The following TNN variants were observed in gnomAD, a reference collection of about 807,000 sequenced individuals.
TNN encodes tenascin N, also known as tenascin-N.
Under a neutral mutation model 134.4 loss-of-function variants are expected in TNN, and 122 were observed. The observed-to-expected ratio is 0.91, with a 90% CI of 0.78 to 1.06. TNN has a LOEUF of 1.06. Ranked by LOEUF, TNN falls within the 50% of genes least tolerant of loss-of-function variation. The probability of loss-of-function intolerance (pLI) is 0.00; values close to 1 mark genes in which losing one functional copy is unlikely to be tolerated. For missense variants in TNN, 1,739 were observed against 1,699.4 expected (o/e 1.02, Z -0.41); for synonymous variants, 710 against 670.3 (o/e 1.06, Z -0.91).
At chr1:175,145,787 C>T (rs943573121) in intron 18 of TNN, among the ~76,000 whole-genome samples, 1 of 152,066 alleles carries the variant, frequency 6.6e-6, no homozygotes, top group African/African-American at 2.4e-5. Context: ...CTCAAGCCTC[C>T]TCTGCCCCAG....
At chr1:175,078,413 A>G (rs1376032806) in intron 2 of TNN, among the ~76,000 whole-genome samples, 1 of 152,212 alleles carries the variant, frequency 6.6e-6, no homozygotes, top group Non-Finnish European at 1.5e-5. Flanking sequence ...ATTACAATTT[A>G]ATTTTACAAA....
chr1:175,132,652 TC>T (rs1052389470), intron 15 of TNN, among the ~76,000 whole-genome samples: 5 of 152,224 alleles, frequency 3.3e-5, no homozygotes, highest in African/African-American at 1.2e-4. Flanking sequence ...GCTCTTCTCT[TC>T]CCTTCCATTC....
chr1:175,111,966 A>G (rs1675039377), intron 9 of TNN, among the ~76,000 whole-genome samples: 2 of 152,036 alleles, frequency 1.3e-5, no homozygotes, highest in African/African-American at 4.8e-5. Flanking sequence ...CTCTTTTTCA[A>G]TTTGGATGCT....
chr1:175,135,333 T>C (rs984644292), intron 15 of TNN, among the ~76,000 whole-genome samples: 1 of 152,240 alleles, frequency 6.6e-6, no homozygotes, highest in South Asian at 2.1e-4. Context: ...ACATAGTAGA[T>C]GCTCAGTAAA....
intron 10 of TNN, 139 bp from the exon 11 acceptor site, chr1:175,118,422 C>A: frequency 9.5e-7 from 1 of 1,053,246 alleles, no homozygotes; most frequent in Non-Finnish European, 1.4e-6. Flanking sequence ...GTCCATGAAA[C>A]AGCTAAAAAT....
chr1:175,117,296 G>A (rs752062324), intron 10 of TNN, 91 bp downstream of exon 10: 153 of 1,582,358 alleles, frequency 9.7e-5, no homozygotes, highest in Non-Finnish European at 1.2e-4. Context: ...ATTGGCAGAA[G>A]TCAATGATTA....
intron 18 of TNN, among the ~76,000 whole-genome samples, chr1:175,145,551 T>TAAAAAAAAAA (rs1676042149): frequency 2.6e-4 from 1 of 3,814 alleles, no homozygotes; most frequent in Non-Finnish European, 5.9e-4. Context: ...AGACCCTGTC[T>TAAAAAAAAAA]CAAAAAAAAA....
chr1:175,125,205 G>C (rs1311107704), intron 12 of TNN, among the ~76,000 whole-genome samples: 5 of 152,218 alleles, frequency 3.3e-5, no homozygotes, highest in East Asian at 1.9e-4. Flanking sequence ...AACAACAGCT[G>C]TCTGATTTCT....
In TNN at chr1:175,135,826, T is replaced by C; in HGVS notation, c.3331-19T>C. 6.3e-7 allele frequency: 1 copy of C among 1,595,086 alleles called. No homozygotes were observed. ...GTCTGTTTGGAGGGTCAGAGTGAAGTATTCATCTTCCTTCTCAGGTCTTCC... is the reference window on the plus strand; with the variant it reads ...GTCTGTTTGGAGGGTCAGAGTGAAGCATTCATCTTCCTTCTCAGGTCTTCC... On this transcript the variant is annotated intron_variant, in intron 15 of 18. Coordinates refer to ENST00000239462, the MANE Select transcript of TNN (RefSeq NM_022093.2).
chr1:175,119,638 C>CTT (rs869293406), intron 11 of TNN, among the ~76,000 whole-genome samples: 13 of 131,560 alleles, frequency 9.9e-5, no homozygotes, highest in African/African-American at 2.5e-4. Flanking sequence ...CCTTTTTTTT[C>CTT]TTTTTTTTTT....
intron 11 of TNN, among the ~76,000 whole-genome samples, chr1:175,121,035 G>A (rs758650973): frequency 4.6e-5 from 7 of 152,096 alleles, no homozygotes; most frequent in South Asian, 2.1e-4. Flanking sequence ...CTCCTGCCTC[G>A]GCTTCCCAAA....
chr1:175,127,428 C>T (rs1675559502), intron 13 of TNN, among the ~76,000 whole-genome samples: 2 of 152,112 alleles, frequency 1.3e-5, no homozygotes, highest in African/African-American at 4.8e-5. Flanking sequence ...ATTTTCAAAA[C>T]CTGTCCCAAT....
rs766904314 is a variant in TNN, at chr1:175,128,681, C to T, written c.3265C>T (p.His1089Tyr). ...AASGLYTIYL[H>Y]GDASRPLQVY... ...CAGTGGTCTGTACACCATCTACCTG[C>T]ATGGCGATGCCAGCCGGCCCCTGCA... Residue 1089 changes from histidine (H) to tyrosine (Y), a missense_variant, in exon 15 of 19, where the codon CAT (histidine) becomes TAT (tyrosine). Transcript: ENST00000239462. The T allele has an allele frequency of 6.2e-7, 1 of 1,614,084 alleles. No individual in the cohort carries two copies. The highest frequency in any genetic ancestry group is 8.5e-7 in the Non-Finnish European group (1 of 1,179,990).
intron 12 of TNN, among the ~76,000 whole-genome samples, chr1:175,125,679 CTCCT>C (rs1675492859): frequency 1.3e-5 from 1 of 77,212 alleles, no homozygotes; most frequent in Admixed American, 1.5e-4. Context: ...CCCTCCCTCC[CTCCT>C]TTCTTTCTCT....
intron 9 of TNN, among the ~76,000 whole-genome samples, chr1:175,108,386 C>G (rs1674916184): frequency 1.3e-5 from 2 of 152,260 alleles, no homozygotes; most frequent in Admixed American, 1.3e-4. Context: ...AGGAGCCCAG[C>G]TGGCTTCACC....
chr1:175,072,504 G>A (rs1411389079), intron 1 of TNN, among the ~76,000 whole-genome samples: 1 of 152,150 alleles, frequency 6.6e-6, no homozygotes, highest in Non-Finnish European at 1.5e-5. Flanking sequence ...CTTCTGCCCT[G>A]TCTGCCCCCT....
chr1:175,141,696 C>T (rs1217522160), intron 17 of TNN, among the ~76,000 whole-genome samples: 2 of 152,146 alleles, frequency 1.3e-5, no homozygotes, highest in Admixed American at 6.5e-5. Flanking sequence ...TCTTTCCCAA[C>T]CTGGTGAATC....
rs568867197 is a variant in TNN at position 175,103,682 on chromosome 1, CT to C, written c.2119+5095del. ...CTGTGTCTGTCCCTCTTTCTGACTC[CT>C]TTTTTTTGTCTCTGTTTCTGACTAC... On this transcript the variant is annotated intron_variant, in intron 9 of 18. Coordinates refer to ENST00000239462, the MANE Select transcript of TNN (RefSeq NM_022093.2). Among the ~76,000 whole-genome samples the C allele has an allele frequency of 1.0e-3, 149 of 143,742 alleles. 18 individuals are homozygous for C. Among genetic ancestry groups the C allele is most frequent in the Non-Finnish European group, 1.8e-3 (117 of 65,088 alleles). 94.3% of individuals were successfully genotyped at this position (143,742 alleles called of 152,430 possible). A position where few individuals can be genotyped will look rare whatever the true frequency, so the allele number is the denominator to read the frequency against.
chr1:175,117,335 A>G (rs1156832995), intron 10 of TNN, 130 bp downstream of exon 10: 4 of 1,449,582 alleles, frequency 2.8e-6, no homozygotes, highest in East Asian at 2.3e-5. Context: ...ATCCCTTCAT[A>G]ACAGATTGCA....
Sources: allele counts gnomAD v4.1 joint callset (sites outside exome capture counted in the v4.1 genomes callset), GRCh38; gene constraint gnomAD v4.1.1; transcripts MANE v1.5; gene names NCBI Gene and HGNC (gene_info 2026-07-23, HGNC 2026-07-21).